The following N4BP2 variants were observed in gnomAD, a reference collection of about 807,000 sequenced individuals.
The protein encoded by N4BP2 is NEDD4 binding protein 2, also known as NEDD4-binding protein 2.
N4BP2 carries 91 observed loss-of-function variants against 152.8 expected under a neutral mutation model. The ratio of observed to expected loss-of-function variants is 0.60; its 90% confidence interval spans 0.50 to 0.71. N4BP2 has a LOEUF of 0.71. N4BP2 is among the 30% of genes least tolerant of loss of function. The pLI is 0.00. For synonymous variants in N4BP2, 646 were observed against 705.3 expected (o/e 0.92, Z 1.33); for missense variants, 1,923 against 2,059.1 (o/e 0.93, Z 1.28).
In N4BP2 at chr4:40,109,717, C is replaced by CA. The variant is rs774029246; in HGVS notation, c.1499-2354dup. ...TGGGTGACAGAGCAAGACTCTGTCTCAAAAAAAAAAAAAGTGTTAGCATGG... is the reference window on the plus strand; with the variant it reads ...TGGGTGACAGAGCAAGACTCTGTCTCAAAAAAAAAAAAAAGTGTTAGCATGG... On this transcript the variant is annotated intron_variant, in intron 5 of 17. Coordinates refer to ENST00000261435, the MANE Select transcript of N4BP2 (RefSeq NM_018177.6). Among the ~76,000 whole-genome samples the CA allele has an allele frequency of 7.2e-3, 868 of 120,974 alleles. 2 individuals are homozygous for CA. Among genetic ancestry groups the CA allele is most frequent in the African/African-American group, 0.018 (591 of 32,746 alleles). The allele number at this position is 120,974 out of a possible 152,430, so 79.4% of individuals were successfully genotyped here. A position where few individuals can be genotyped will look rare whatever the true frequency, so the allele number is the denominator to read the frequency against.
At chr4:40,144,559 G>T in intron 15 of N4BP2, 73 bp from the exon 16 acceptor site, 7 of 1,131,588 alleles carry the variant, frequency 6.2e-6, no homozygotes, top group South Asian at 3.6e-5. Flanking sequence ...TTTTATTTGG[G>T]GCACTATTAA....
intron 4 of N4BP2, among the ~76,000 whole-genome samples, chr4:40,106,228 G>C (rs971547870): frequency 6.6e-6 from 1 of 152,060 alleles, no homozygotes; most frequent in African/African-American, 2.4e-5. Flanking sequence ...ACCTGCCTTA[G>C]GTCAGATTTT....
chr4:40,160,070 TCAGC>T (rs1324046079), downstream of N4BP2, among the ~76,000 whole-genome samples: 1 of 152,078 alleles, frequency 6.6e-6, no homozygotes, highest in Non-Finnish European at 1.5e-5. Flanking sequence ...TCCATCCGCC[TCAGC>T]CTCCCAAAGT....
In N4BP2 at chr4:40,113,434, T is replaced by C; in HGVS notation, c.1590T>C (p.Ser530=). The C allele has an allele frequency of 6.2e-7, 1 of 1,607,604 alleles. No individual in the cohort carries two copies. The highest frequency in any genetic ancestry group is 1.7e-4 in the Middle Eastern group (1 of 6,044). Residue 530 remains serine (S), a splice_region_variant and synonymous_variant, in exon 7 of 18, where the codon TCT becomes TCC. Coordinates refer to ENST00000261435, the MANE Select transcript of N4BP2 (RefSeq NM_018177.6). ...AWEMKPYVAL[S]QKHKYKVLFR... is the part of the protein sequence containing the mutation. The stretch of plus-strand genomic sequence containing the variant: ...GTTTTTGTCTTTGTTGTATGTAGTC[T>C]CAGAAACACAAATATAAAGTCCTTT...
At chr4:40,163,853 C>T in the N4BP2 span, among the ~76,000 whole-genome samples, 1 of 152,196 alleles carries the variant, frequency 6.6e-6, no homozygotes, top group African/African-American at 2.4e-5. Flanking sequence ...CCCCTTTTTA[C>T]AGACTAGGAA....
chr4:40,070,143 T>C (rs1488336320), intron 1 of N4BP2, among the ~76,000 whole-genome samples: 2 of 152,196 alleles, frequency 1.3e-5, no homozygotes, highest in African/African-American at 4.8e-5. Flanking sequence ...CAACAATTGT[T>C]ACCATTTTGC....
the N4BP2 span, among the ~76,000 whole-genome samples, chr4:40,173,482 C>T: frequency 2.0e-5 from 3 of 152,182 alleles, no homozygotes; most frequent in Non-Finnish European, 1.5e-5. Flanking sequence ...TTGTAGTACA[C>T]ACTACGTGAG....
the N4BP2 span, among the ~76,000 whole-genome samples, chr4:40,188,871 G>A: frequency 6.6e-6 from 1 of 152,144 alleles, no homozygotes; most frequent in Non-Finnish European, 1.5e-5. Flanking sequence ...GAGGCCGGGT[G>A]CAGTGGCTCA....
At chr4:40,090,533 A>G (rs527725507) in intron 2 of N4BP2, among the ~76,000 whole-genome samples, 256 of 152,336 alleles carry the variant, frequency 1.7e-3, no homozygotes, top group Admixed American at 5.3e-3. Flanking sequence ...TGTGATTTTA[A>G]GTGAAACGAC....
At position 40,097,331 on chromosome 4, in the gene N4BP2, G is replaced by A. The variant is rs1351455708; in HGVS notation, c.-10G>A. ...AAGAAAAGGGAAACATTTTAGTTTT[G>A]GAAGTCAGAATGCCAAGGAGAAGGA... is the stretch of plus-strand genomic sequence containing the variant. On this transcript the variant is annotated 5_prime_UTR_variant, in exon 3 of 18. Transcript: ENST00000261435. The A allele has an allele frequency of 6.2e-7, 1 of 1,607,052 alleles. No homozygotes were observed. The highest frequency in any genetic ancestry group is 1.1e-5 in the South Asian group (1 of 90,574).
At chr4:40,153,942 C>CA (rs1721385667) in intron 17 of N4BP2, among the ~76,000 whole-genome samples, 1 of 152,122 alleles carries the variant, frequency 6.6e-6, no homozygotes, top group Non-Finnish European at 1.5e-5. Flanking sequence ...ATTCAGGCCT[C>CA]ACAGGTTTTG....
Position 40,103,157 on chromosome 4 carries a change from G to A in N4BP2, c.1312G>A (p.Val438Ile), listed in dbSNP as rs774919355. 5 of 1,613,994 alleles carry A rather than the reference G, an allele frequency of 3.1e-6. No individual in the cohort carries two copies. Among genetic ancestry groups the A allele is most frequent in the Admixed American group, 1.7e-5 (1 of 59,986 alleles). The part of the protein sequence containing the change: ...SQVVRKKTSY[V>I]GLVLVLLRGL... ...GGTTGTAAGAAAGAAGACATCTTAC[G>A]TTGGACTAGTTCTTGTTCTTCTCAG... The change falls in exon 4 of 18, where the codon GTT (valine) becomes ATT (isoleucine). Residue 438 changes from valine (V) to isoleucine (I), a missense_variant. By Grantham distance (29) the Val-to-Ile change is conservative. Transcript: ENST00000261435.
At chr4:40,099,734 G>A (rs1317451825) in intron 3 of N4BP2, among the ~76,000 whole-genome samples, 1 of 151,494 alleles carries the variant, frequency 6.6e-6, no homozygotes, top group African/African-American at 2.4e-5. Context: ...ATCTGTATAA[G>A]GACTTTTTTT....
chr4:40,127,048 C>T (rs1033837839), intron 12 of N4BP2, among the ~76,000 whole-genome samples: 1 of 151,858 alleles, frequency 6.6e-6, no homozygotes, highest in African/African-American at 2.4e-5. Context: ...CATGAGCCAC[C>T]ATGCCCACGA....
At chr4:40,131,969 G>A in intron 13 of N4BP2, 50 bp downstream of exon 13, 4 of 1,076,840 alleles carry the variant, frequency 3.7e-6, no homozygotes, top group South Asian at 2.6e-5. Context: ...GTCACTGAAA[G>A]CATATGCCAT....
chr4:40,106,991 T>G lies in N4BP2; in HGVS notation c.1465T>G (p.Leu489Val), dbSNP rs1205711025. The G allele has an allele frequency of 1.2e-6, 2 of 1,613,586 alleles. No homozygotes were observed. Among genetic ancestry groups the G allele is most frequent in the Non-Finnish European group, 1.7e-6 (2 of 1,179,732 alleles). Residue 489 changes from leucine (L) to valine (V), a missense_variant, in exon 5 of 18, where the codon TTA becomes GTA. Leu to Val is a conservative substitution (Grantham distance 32). Coordinates refer to ENST00000261435, the MANE Select transcript of N4BP2 (RefSeq NM_018177.6). ...NGQYQFDVKYLGEAHEWNQNR... is the reference protein window; with the variant it reads ...NGQYQFDVKYVGEAHEWNQNR... The stretch of plus-strand genomic sequence containing the variant: ...ACAGTACCAGTTTGATGTAAAGTAC[T>G]TAGGAGAAGCACATGAATGGAACCA...
chr4:40,139,236 T>C (rs1719679548), intron 14 of N4BP2, among the ~76,000 whole-genome samples: 1 of 152,152 alleles, frequency 6.6e-6, no homozygotes, highest in African/African-American at 2.4e-5. Flanking sequence ...TGGAATTATG[T>C]CCTTTTTAAA....
At chr4:40,067,082 G>A (rs1397976490) in intron 1 of N4BP2, among the ~76,000 whole-genome samples, 5 of 145,340 alleles carry the variant, frequency 3.4e-5, no homozygotes, top group African/African-American at 1.3e-4. Context: ...TTTTGAGACA[G>A]GGTCTTGCTC....
chr4:40,058,748 A>G, intron 1 of N4BP2, among the ~76,000 whole-genome samples: 1 of 151,994 alleles, frequency 6.6e-6, no homozygotes, highest in East Asian at 1.9e-4. Context: ...AGTAGAAGCT[A>G]AATATTATCA....
Sources: allele counts gnomAD v4.1 joint callset (sites outside exome capture counted in the v4.1 genomes callset), GRCh38; gene constraint gnomAD v4.1.1; transcripts MANE v1.5; gene names NCBI Gene and HGNC (gene_info 2026-07-23, HGNC 2026-07-21).